Variants in ALG12 observed in about 807,000 individuals in gnomAD.
ALG12 encodes the protein ALG12 alpha-1,6-mannosyltransferase.
In ALG12, 36 loss-of-function variants were observed where a neutral mutation model predicts 46.0. The observed-to-expected ratio is 0.78, with a 90% CI of 0.60 to 1.03. ALG12 has a LOEUF of 1.03. Among genes scored for constraint, ALG12 ranks in the 50% least tolerant of loss-of-function variants. The pLI is 0.00. For synonymous variants in ALG12, 326 were observed against 291.6 expected (o/e 1.12, Z -1.20); for missense variants, 599 against 633.5 (o/e 0.95, Z 0.58).
chr22:49,870,647 C>G, the ALG12 span, among the ~76,000 whole-genome samples: 1 of 151,968 alleles, frequency 6.6e-6, no homozygotes, highest in Non-Finnish European at 1.5e-5. Context: ...CTGTTCATGT[C>G]CTTTGCTTGC....
the ALG12 span, among the ~76,000 whole-genome samples, chr22:49,873,920 G>A: frequency 6.6e-6 from 1 of 152,236 alleles, no homozygotes; most frequent in Admixed American, 6.5e-5. Context: ...GGAATGGGGC[G>A]GCGCTGCCAC....
the ALG12 span, among the ~76,000 whole-genome samples, chr22:49,862,128 G>T: frequency 6.6e-6 from 1 of 152,218 alleles, no homozygotes; most frequent in South Asian, 2.1e-4. Context: ...TACTGAATTG[G>T]ATGTAGCACG....
chr22:49,893,858 AG>A, the ALG12 span, among the ~76,000 whole-genome samples: 212 of 152,320 alleles, frequency 1.4e-3, no homozygotes, highest in African/African-American at 4.9e-3. Context: ...AAGGGGTGAA[AG>A]TATGGATTTC....
In ALG12 at chr22:49,902,483, GGT is replaced by G. The variant is rs1168481600; in HGVS notation, c.*1353_*1354del. The stretch of plus-strand genomic sequence containing the variant: ...TGGTGTGTGCACGTGTGCACTGTGT[GGT>G]GTGTATGCATGGTGTGTGCACATGT... On this transcript the variant is annotated 3_prime_UTR_variant, in exon 10 of 10. Coordinates refer to ENST00000330817, the MANE Select transcript of ALG12 (RefSeq NM_024105.4). 9.2e-6 allele frequency: 1 copy of G among 108,972 alleles called. No homozygotes were observed. The highest frequency in any genetic ancestry group is 1.8e-5 in the Non-Finnish European group (1 of 56,100). The allele number at this position is 108,972 out of a possible 1,614,324, so 6.8% of individuals were successfully genotyped here.
At chr22:49,883,700 G>A in the ALG12 span, 1 of 1,602,232 alleles carries the variant, frequency 6.2e-7, no homozygotes, top group African/African-American at 1.3e-5. Flanking sequence ...AAAGAGGACG[G>A]TGATTTCGTT....
the ALG12 span, among the ~76,000 whole-genome samples, chr22:49,869,121 CAAAAAAAA>C: frequency 2.1e-5 from 2 of 93,406 alleles, no homozygotes; most frequent in African/African-American, 6.6e-5. Context: ...AAAACTGTCT[CAAAAAAAA>C]AAAAAAAAGA....
downstream of ALG12, chr22:49,900,180 A>C (rs1016305051): frequency 5.9e-5 from 9 of 152,278 alleles, no homozygotes; most frequent in Non-Finnish European, 1.0e-4. Flanking sequence ...AAAACAAGCC[A>C]AAGTGCAAAA....
At chr22:49,864,820 C>CCAAA in the ALG12 span, among the ~76,000 whole-genome samples, 1 of 66,992 alleles carries the variant, frequency 1.5e-5, no homozygotes. Context: ...ACCCTGTCTC[C>CCAAA]AAAAAAAAAA....
rs1359367154 is a variant in ALG12 at position 49,913,393 on chromosome 22, T to C, written c.287A>G (p.Gln96Arg). The change falls in exon 3 of 10, where the codon CAG (glutamine) becomes CGG (arginine). Residue 96 changes from glutamine (Q) to arginine (R), a missense_variant. By Grantham distance (43) the Gln-to-Arg change is conservative. Coordinates refer to ENST00000330817, the MANE Select transcript of ALG12 (RefSeq NM_024105.4). ...SLLEMSKFYS[Q>R]LIVRGVLGLG... The stretch of plus-strand genomic sequence containing the variant: ...GTTGAAGACCCCCTTACCTATTAGC[T>C]GAGAGTAAAACTTGGACATTTCTAA... 6.2e-7 allele frequency: 1 copy of C among 1,613,894 alleles called. No individual in the cohort carries two copies. The highest frequency in any genetic ancestry group is 8.5e-7 in the Non-Finnish European group (1 of 1,180,040).
chr22:49,909,243 C>A lies in ALG12; in HGVS notation c.768+1G>T. ...CCTCCTGCACGGACACTGAAGGATA[C>A]CCCCCAGTTGGAGCTTTTGTTCAGG... is the stretch of plus-strand genomic sequence containing the variant. On this transcript the variant is annotated splice_donor_variant, in intron 6 of 9. Transcript: ENST00000330817. LOFTEE classifies it high-confidence loss of function. 1 of 1,613,416 alleles carries A rather than the reference C, an allele frequency of 6.2e-7. No individual in the cohort carries two copies. The highest frequency in any genetic ancestry group is 8.5e-7 in the Non-Finnish European group (1 of 1,179,306).
Position 49,904,322 on chromosome 22 carries a change from GC to G in ALG12, c.1162+14del. The G allele has an allele frequency of 6.2e-7, 1 of 1,614,154 alleles. No individual in the cohort carries two copies. Among genetic ancestry groups the G allele is most frequent in the Non-Finnish European group, 8.5e-7 (1 of 1,180,010 alleles). On this transcript the variant is annotated intron_variant, in intron 8 of 9. Transcript: ENST00000330817. ...GGAGCCACAGCAGTCCCCAGGCAGT[GC>G]CCCCAGCACCCACCTGTCTGGGGGG... is the stretch of plus-strand genomic sequence containing the variant.
At chr22:49,884,806 G>A in the ALG12 span, 1 of 1,610,188 alleles carries the variant, frequency 6.2e-7, no homozygotes, top group Non-Finnish European at 8.5e-7. Flanking sequence ...GCCGGTCAGA[G>A]AGTCCCCTTC....
rs577850366 is a variant in ALG12, at chr22:49,901,133, C to T, written c.*2705G>A. 1 of 152,394 alleles carries T rather than the reference C, an allele frequency of 6.6e-6. No individual in the cohort carries two copies. The highest frequency in any genetic ancestry group is 6.5e-5 in the Admixed American group (1 of 15,312). The allele number at this position is 152,394 out of a possible 1,614,324, so 9.4% of individuals were successfully genotyped here. ...AAAGACAGGAGTGACTCACAGACCA[C>T]TGAAGTCGGGAGGCAATCCACATGT... On this transcript the variant is annotated 3_prime_UTR_variant, in exon 10 of 10. Transcript: ENST00000330817.
intron 3 of ALG12, 24 bp downstream of exon 3, chr22:49,913,361 C>T: frequency 6.2e-7 from 1 of 1,613,380 alleles, no homozygotes; most frequent in Non-Finnish European, 8.5e-7. Context: ...TCACTCCCTC[C>T]TCCTTTGTTG....
At position 49,904,215 on chromosome 22, in the gene ALG12, C is replaced by T; in HGVS notation, c.1202G>A (p.Gly401Asp). The change falls in exon 9 of 10, where the codon GGT becomes GAT. Residue 401 changes from glycine to aspartate, a missense_variant. Transcript: ENST00000330817. ...LHIDVAAAQT[G>D]VSRFLQVNSA... is the part of the protein sequence containing the mutation. ...GTTGACTTGGAGAAACCGAGACACA[C>T]CTGTCTGGGCGGCTGCCACGTCAAT... The T allele has an allele frequency of 6.2e-7, 1 of 1,614,142 alleles. No individual in the cohort carries two copies.
At chr22:49,869,065 G>A in the ALG12 span, among the ~76,000 whole-genome samples, 1 of 151,446 alleles carries the variant, frequency 6.6e-6, no homozygotes, top group South Asian at 2.1e-4. Flanking sequence ...CGGAGGTTGG[G>A]TGAGTCGAGA....
the ALG12 span, chr22:49,886,135 G>A: frequency 8.8e-6 from 6 of 685,646 alleles, no homozygotes; most frequent in African/African-American, 3.6e-5. This position sits in a 1 kb window ranked among gnomAD's most constrained non-coding sequence, Gnocchi z 7.7. Context: ...GCACTCGAGC[G>A]TGCAGTGCTT....
chr22:49,877,534 C>T, the ALG12 span, among the ~76,000 whole-genome samples: 1 of 152,058 alleles, frequency 6.6e-6, no homozygotes, highest in African/African-American at 2.4e-5. Flanking sequence ...TCGTGTGATC[C>T]CTCCCACCTT....
In ALG12 at chr22:49,910,044, A is replaced by G; in HGVS notation, c.514T>C (p.Phe172Leu). The G allele has an allele frequency of 1.9e-6, 3 of 1,613,118 alleles. No homozygotes were observed. The highest frequency in any genetic ancestry group is 2.5e-6 in the Non-Finnish European group (3 of 1,179,826). The change falls in exon 5 of 10, where the codon TTC (phenylalanine) becomes CTC (leucine). Residue 172 changes from phenylalanine to leucine, a missense_variant. By Grantham distance (22) the Phe-to-Leu change is conservative (BLOSUM62 0). Coordinates refer to ENST00000330817, the MANE Select transcript of ALG12 (RefSeq NM_024105.4). ...ATGGCGAAGGCTGACAGCCAGATGA[A>G]GCGGGCCCACTCGTGCCGCAGCCAG... is the stretch of plus-strand genomic sequence containing the variant. ...AAWLRHEWAR[F>L]IWLSAFAIIV...
Sources: gnomAD v4.1 joint callset for allele counts (sites outside exome capture counted in the v4.1 genomes callset) on GRCh38, gnomAD v4.1.1 for gene constraint, Gnocchi (gnomAD v3.1) non-coding constraint, MANE v1.5 for transcripts, NCBI Gene and HGNC (gene_info 2026-07-23, HGNC 2026-07-21) for gene names.